ASXL3: variants seen among roughly 807,000 people sequenced by gnomAD.
ASXL3 encodes the protein ASXL transcriptional regulator 3, also known as putative Polycomb group protein ASXL3.
ASXL3 carries 34 observed loss-of-function variants against 170.6 expected under a neutral mutation model. That is an observed-to-expected ratio of 0.20 (90% CI 0.15 to 0.27). The LOEUF (loss-of-function observed/expected upper bound fraction) is 0.27. Ranked by LOEUF, ASXL3 falls within the 10% of genes least tolerant of loss-of-function variation. The pLI is 1.00. For missense variants in ASXL3, 2,592 were observed against 2,695.3 expected (o/e 0.96, Z 0.85); for synonymous variants, 1,002 against 989.1 (o/e 1.01, Z -0.24).
intron 1 of ASXL3, among the ~76,000 whole-genome samples, chr18:33,581,635 A>C (rs753784082): frequency 1.3e-5 from 2 of 152,158 alleles, no homozygotes; most frequent in Non-Finnish European, 2.9e-5. Flanking sequence ...GAATCTTTCT[A>C]GTGTAACTAA....
chr18:33,739,525 A>G lies in ASXL3; in HGVS notation c.2121A>G (p.Val707=). The G allele has an allele frequency of 6.2e-7, 1 of 1,613,906 alleles. No individual in the cohort carries two copies. Among genetic ancestry groups the G allele is most frequent in the South Asian group, 1.1e-5 (1 of 91,082 alleles). ...CATTAACATCTGAAGCATCACCAGT[A>G]TCCAACTTACCTTTAACATCAGAAA... The part of the protein sequence containing the change: ...NLPLTSEASP[V]SNLPLTSETS... The change falls in exon 11 of 12, where the codon GTA becomes GTG. Residue 707 remains valine (V), a synonymous_variant. Coordinates refer to ENST00000269197, the MANE Select transcript of ASXL3 (RefSeq NM_030632.3).
intron 4 of ASXL3, among the ~76,000 whole-genome samples, chr18:33,650,896 T>C (rs913185185): frequency 1.1e-4 from 16 of 152,136 alleles, no homozygotes; most frequent in African/African-American, 3.9e-4. Context: ...TATGTATAGC[T>C]TATTAATCTA....
chr18:33,588,710 C>T (rs988240522), intron 1 of ASXL3, among the ~76,000 whole-genome samples: 3 of 152,172 alleles, frequency 2.0e-5, no homozygotes, highest in South Asian at 2.1e-4. Flanking sequence ...TGCCAGAGAG[C>T]GATGATAAAG....
chr18:33,700,135 G>A (rs544462378), intron 8 of ASXL3, among the ~76,000 whole-genome samples: 1 of 152,072 alleles, frequency 6.6e-6, no homozygotes, highest in Admixed American at 6.6e-5. Context: ...AGAGAGATGG[G>A]GTTTTGTTTG....
intron 8 of ASXL3, among the ~76,000 whole-genome samples, chr18:33,709,991 C>T (rs907565651): frequency 6.6e-6 from 1 of 152,174 alleles, no homozygotes; most frequent in African/African-American, 2.4e-5. Context: ...TGCGGTGGCT[C>T]ATGCCTGTAA....
At chr18:33,604,117 T>G (rs532029790) in intron 1 of ASXL3, among the ~76,000 whole-genome samples, 2 of 152,158 alleles carry the variant, frequency 1.3e-5, no homozygotes, top group African/African-American at 4.8e-5. Flanking sequence ...ATATAAATAA[T>G]GTAGGAAAGA....
intron 2 of ASXL3, among the ~76,000 whole-genome samples, chr18:33,639,387 C>T (rs1183346917): frequency 6.6e-6 from 1 of 152,076 alleles, no homozygotes; most frequent in Non-Finnish European, 1.5e-5. Context: ...TTCGCCACCG[C>T]CCTCCCCAGC....
intron 4 of ASXL3, among the ~76,000 whole-genome samples, chr18:33,654,364 G>A (rs2066049016): frequency 6.6e-6 from 1 of 151,962 alleles, no homozygotes; most frequent in Admixed American, 6.6e-5. Context: ...AAACACTCAT[G>A]TTCTTTAAAA....
At chr18:33,723,711 C>T (rs1401186052) in intron 8 of ASXL3, among the ~76,000 whole-genome samples, 2 of 152,150 alleles carry the variant, frequency 1.3e-5, no homozygotes, top group African/African-American at 2.4e-5. Flanking sequence ...TTTTGAAAGA[C>T]GTTCTGCTAT....
chr18:33,738,025 A>G (rs1220479178), intron 10 of ASXL3, among the ~76,000 whole-genome samples: 1 of 152,126 alleles, frequency 6.6e-6, no homozygotes, highest in African/African-American at 2.4e-5. Flanking sequence ...CTTTATTAAC[A>G]CTTGGTAAGG....
intron 2 of ASXL3, among the ~76,000 whole-genome samples, chr18:33,613,479 C>T (rs554542706): frequency 2.8e-4 from 42 of 151,990 alleles, no homozygotes; most frequent in Admixed American, 1.5e-3. Flanking sequence ...GATTCCAGAC[C>T]ATCCCAATAA....
Position 33,661,745 on chromosome 18 carries a change from A to T in ASXL3, c.477+8A>T, listed in dbSNP as rs765414253. Reference sequence around the variant, plus strand: ...AAAAAGGCTCTTAAACAGGTAAGATAGCTGCCATTTATTCTTTGTCCTTCA... The same window carrying T: ...AAAAAGGCTCTTAAACAGGTAAGATTGCTGCCATTTATTCTTTGTCCTTCA... On this transcript the variant is annotated splice_region_variant and intron_variant, in intron 5 of 11. Transcript: ENST00000269197. 3 of 1,610,658 alleles carry T rather than the reference A, an allele frequency of 1.9e-6. No individual in the cohort carries two copies. Among genetic ancestry groups the T allele is most frequent in the Admixed American group, 3.4e-5 (2 of 59,324 alleles).
intron 8 of ASXL3, among the ~76,000 whole-genome samples, chr18:33,699,370 T>C (rs1288222417): frequency 6.6e-6 from 1 of 151,772 alleles, no homozygotes; most frequent in Non-Finnish European, 1.5e-5. Flanking sequence ...AATAATGAAA[T>C]TATTAGTTGA....
chr18:33,695,510 T>G (rs993320258), intron 8 of ASXL3, among the ~76,000 whole-genome samples: 1 of 152,142 alleles, frequency 6.6e-6, no homozygotes, highest in Non-Finnish European at 1.5e-5. Context: ...TAATTTTACC[T>G]ATATATTATT....
intron 9 of ASXL3, among the ~76,000 whole-genome samples, chr18:33,732,360 C>G (rs2067464870): frequency 6.6e-6 from 1 of 152,184 alleles, no homozygotes; most frequent in East Asian, 1.9e-4. Flanking sequence ...TATGCATTCT[C>G]TTAAGCATCC....
chr18:33,669,291 T>G (rs749675476), intron 5 of ASXL3, among the ~76,000 whole-genome samples: 11 of 152,192 alleles, frequency 7.2e-5, no homozygotes, highest in Non-Finnish European at 1.6e-4. Flanking sequence ...AGGCTAAAGG[T>G]GAGAAGGATG....
At chr18:33,682,053 C>G (rs986904813) in intron 7 of ASXL3, among the ~76,000 whole-genome samples, 1 of 152,156 alleles carries the variant, frequency 6.6e-6, no homozygotes, top group African/African-American at 2.4e-5. Flanking sequence ...AAAAAAGTCA[C>G]TCTTTTGTCT....
chr18:33,602,915 A>C (rs781131910), intron 1 of ASXL3, among the ~76,000 whole-genome samples: 3 of 151,258 alleles, frequency 2.0e-5, no homozygotes, highest in African/African-American at 7.3e-5. Context: ...TATAACCCCA[A>C]AATCGTTTAC....
chr18:33,649,682 G>C (rs1449739273), intron 4 of ASXL3: 3 of 152,366 alleles, frequency 2.0e-5, no homozygotes, highest in Middle Eastern at 3.4e-3. Flanking sequence ...AGGAGTTAAG[G>C]GTATATGAAG....
Sources: gnomAD v4.1 joint callset for allele counts (sites outside exome capture counted in the v4.1 genomes callset) on GRCh38, gnomAD v4.1.1 for gene constraint, MANE v1.5 for transcripts, NCBI Gene and HGNC (gene_info 2026-07-23, HGNC 2026-07-21) for gene names.